Variants in PLXDC2 observed in about 807,000 individuals in gnomAD.
The protein encoded by PLXDC2 is plexin domain containing 2.
A neutral mutation model predicts 68.9 loss-of-function variants in PLXDC2; 40 were observed. The observed-to-expected ratio is 0.58, with a 90% CI of 0.45 to 0.76. PLXDC2 has a LOEUF of 0.76. Among genes scored for constraint, PLXDC2 ranks in the 30% least tolerant of loss-of-function variants. PLXDC2 has a pLI of 0.00. For synonymous variants in PLXDC2, 243 were observed against 234.2 expected (o/e 1.04, Z -0.34); for missense variants, 644 against 661.9 (o/e 0.97, Z 0.30).
chr10:20,066,813 A>G (rs1012019990), intron 3 of PLXDC2, among the ~76,000 whole-genome samples: 2 of 152,338 alleles, frequency 1.3e-5, no homozygotes, highest in Middle Eastern at 3.4e-3. Flanking sequence ...TTCAATCTAG[A>G]TATACTTTTC....
At position 20,281,095 on chromosome 10, in the gene PLXDC2, A is replaced by G. The variant is rs1031690247; in HGVS notation, c.*1276A>G. 2.0e-5 allele frequency: 3 copies of G among 152,062 alleles called. No homozygotes were observed. The highest frequency in any genetic ancestry group is 2.1e-4 in the South Asian group (1 of 4,830). The allele number at this position is 152,062 out of a possible 1,614,324, so 9.4% of individuals were successfully genotyped here. On this transcript the variant is annotated 3_prime_UTR_variant, in exon 14 of 14. Transcript: ENST00000377252. ...TCACTTAGCAAAAGTGGTTCAGTTC[A>G]TTGCCGCGCCCATCATGTTCTTGAC...
At chr10:20,214,291 T>C (rs1835107910) in intron 10 of PLXDC2, among the ~76,000 whole-genome samples, 1 of 152,164 alleles carries the variant, frequency 6.6e-6, no homozygotes, top group Non-Finnish European at 1.5e-5. Flanking sequence ...CTATTTTTTT[T>C]TCTTTTTTAG....
At chr10:20,133,126 A>G (rs1833889114) in intron 4 of PLXDC2, among the ~76,000 whole-genome samples, 1 of 152,222 alleles carries the variant, frequency 6.6e-6, no homozygotes, top group Non-Finnish European at 1.5e-5. Flanking sequence ...TATTTTTTGT[A>G]GATGACTTCA....
intron 4 of PLXDC2, among the ~76,000 whole-genome samples, chr10:20,069,734 G>A (rs576315022): frequency 6.6e-6 from 1 of 152,278 alleles, no homozygotes; most frequent in Admixed American, 6.5e-5. Flanking sequence ...GAGGGGTTGA[G>A]GCAGGAGGAT....
At chr10:20,274,024 G>A (rs1835973177) in intron 13 of PLXDC2, among the ~76,000 whole-genome samples, 1 of 139,786 alleles carries the variant, frequency 7.2e-6, no homozygotes, top group Admixed American at 7.2e-5. Flanking sequence ...AGGTTACAGA[G>A]TAAGATACTG....
chr10:20,275,924 A>C (rs149451095), intron 13 of PLXDC2, among the ~76,000 whole-genome samples: 2,730 of 148,888 alleles, frequency 0.018, 87 homozygotes, highest in African/African-American at 0.063. Flanking sequence ...AAAAATAATA[A>C]TAATAAAATT....
At chr10:19,850,188 C>T (rs190250240) in intron 1 of PLXDC2, among the ~76,000 whole-genome samples, 1 of 151,994 alleles carries the variant, frequency 6.6e-6, no homozygotes, top group East Asian at 1.9e-4. Context: ...GACATAATTG[C>T]TTTACATGTC....
At chr10:20,033,195 A>T (rs1429760731) in intron 2 of PLXDC2, among the ~76,000 whole-genome samples, 1 of 145,786 alleles carries the variant, frequency 6.9e-6, no homozygotes, top group Non-Finnish European at 1.5e-5. Context: ...AAAATATATA[A>T]AAAAATAAAA....
chr10:20,207,748 G>A (rs1310469399), intron 9 of PLXDC2, among the ~76,000 whole-genome samples: 1 of 152,132 alleles, frequency 6.6e-6, no homozygotes, highest in African/African-American at 2.4e-5. Context: ...ACCAACTGGG[G>A]ATTCTCAAAT....
At chr10:20,116,082 C>T (rs1197882849) in intron 4 of PLXDC2, among the ~76,000 whole-genome samples, 2 of 152,204 alleles carry the variant, frequency 1.3e-5, no homozygotes, top group African/African-American at 2.4e-5. Flanking sequence ...CGCTGCTCCT[C>T]TACAAAAGCT....
chr10:19,987,551 GGTTTT>G (rs201097846), intron 1 of PLXDC2, among the ~76,000 whole-genome samples: 17 of 101,062 alleles, frequency 1.7e-4, no homozygotes, highest in Non-Finnish European at 3.2e-4. Flanking sequence ...GATGTTATTT[GGTTTT>G]GTTTTGTTTT....
intron 2 of PLXDC2, among the ~76,000 whole-genome samples, chr10:20,005,708 A>G (rs1835015983): frequency 6.6e-6 from 1 of 152,088 alleles, no homozygotes; most frequent in South Asian, 2.1e-4. Context: ...TCAAACAACC[A>G]GATCTCTCCT....
chr10:20,236,289 A>G (rs1274719264), intron 12 of PLXDC2, among the ~76,000 whole-genome samples: 1 of 151,984 alleles, frequency 6.6e-6, no homozygotes, highest in African/African-American at 2.4e-5. Flanking sequence ...TAAAAGTACA[A>G]AAAAAGTTAG....
At chr10:20,188,217 G>A (rs1834712578) in intron 9 of PLXDC2, among the ~76,000 whole-genome samples, 1 of 151,452 alleles carries the variant, frequency 6.6e-6, no homozygotes, top group Non-Finnish European at 1.5e-5. Flanking sequence ...CTTCTATCGG[G>A]CTGTACTTTG....
chr10:20,168,775 G>C (rs1834408350), intron 7 of PLXDC2, among the ~76,000 whole-genome samples: 1 of 152,074 alleles, frequency 6.6e-6, no homozygotes, highest in South Asian at 2.1e-4. Context: ...TAGAAGCATA[G>C]CACATTATAA....
intron 1 of PLXDC2, among the ~76,000 whole-genome samples, chr10:19,874,722 C>A (rs1837602665): frequency 6.6e-6 from 1 of 152,086 alleles, no homozygotes; most frequent in Admixed American, 6.6e-5. Context: ...TTGAATTGAA[C>A]TTTAAAGAGT....
intron 1 of PLXDC2, among the ~76,000 whole-genome samples, chr10:19,882,961 C>CTTTCTT (rs1554842187): frequency 2.3e-5 from 3 of 128,350 alleles, no homozygotes; most frequent in African/African-American, 8.5e-5. Context: ...TCCTTTCTTT[C>CTTTCTT]TTTTTTTTTT....
intron 12 of PLXDC2, among the ~76,000 whole-genome samples, chr10:20,244,337 A>C (rs756589043): frequency 5.3e-5 from 8 of 152,180 alleles, no homozygotes; most frequent in Non-Finnish European, 1.0e-4. Context: ...TGGTTAGGAT[A>C]GTTATTACTT....
chr10:20,177,275 C>T, intron 8 of PLXDC2, 53 bp from the exon 9 acceptor site: 1 of 1,451,650 alleles, frequency 6.9e-7, no homozygotes, highest in Non-Finnish European at 9.7e-7. Context: ...TAATCTCTTT[C>T]CCCTCCAAGT....
Sources: gnomAD v4.1 joint callset for allele counts (sites outside exome capture counted in the v4.1 genomes callset) on GRCh38, gnomAD v4.1.1 for gene constraint, MANE v1.5 for transcripts, NCBI Gene and HGNC (gene_info 2026-07-23, HGNC 2026-07-21) for gene names.